Variants in LSP1 observed in about 807,000 individuals in gnomAD.
LSP1 encodes lymphocyte specific protein 1.
In LSP1, 32 loss-of-function variants were observed where a neutral mutation model predicts 49.3. The observed-to-expected ratio is 0.65, with a 90% CI of 0.49 to 0.87. The LOEUF (loss-of-function observed/expected upper bound fraction) is 0.87, where lower values mean the gene tolerates loss of function less well. LSP1 is among the 40% of genes least tolerant of loss of function. The probability of loss-of-function intolerance (pLI) is 0.00; values close to 1 mark genes in which losing one functional copy is unlikely to be tolerated. For missense variants in LSP1, 428 were observed against 442.6 expected, an observed-to-expected ratio of 0.97 and a Z score of 0.30; for synonymous variants, 179 against 178.8, an observed-to-expected ratio of 1.00 and a Z score of -0.01.
chr11:1,876,001 T>C (rs1848294601), intron 1 of LSP1, among the ~76,000 whole-genome samples: 1 of 152,338 alleles, frequency 6.6e-6, no homozygotes, highest in East Asian at 1.9e-4. Context: ...AGGGGCCTGC[T>C]GATGGGGGCT....
intron 1 of LSP1, among the ~76,000 whole-genome samples, chr11:1,862,774 GGGTGATCTCACCTCCCCT>G (rs1847676510): frequency 5.0e-5 from 1 of 20,052 alleles, no homozygotes; most frequent in Non-Finnish European, 1.0e-4. Flanking sequence ...CGCCTCCCCT[GGGTGATCTCACCTCCCCT>G]GGGTGATCTC....
intron 7 of LSP1, among the ~76,000 whole-genome samples, chr11:1,885,394 C>A (rs370185032): frequency 1.3e-5 from 2 of 151,968 alleles, no homozygotes; most frequent in East Asian, 1.9e-4. Context: ...TCAATCCAAC[C>A]AATACACCTT....
intron 4 of LSP1, 93 bp downstream of exon 4, chr11:1,883,653 C>A: frequency 6.8e-7 from 1 of 1,477,962 alleles, no homozygotes; most frequent in South Asian, 1.3e-5. Flanking sequence ...CCCTGTGGGT[C>A]TAGCCCAGAG....
intron 3 of LSP1, among the ~76,000 whole-genome samples, chr11:1,882,229 T>C (rs1848576122): frequency 6.6e-6 from 1 of 152,160 alleles, no homozygotes; most frequent in Admixed American, 6.5e-5. Flanking sequence ...TCTGTGGCCA[T>C]GATGGGGCTG....
chr11:1,864,873 C>T (rs969539754), intron 1 of LSP1, among the ~76,000 whole-genome samples: 11 of 151,914 alleles, frequency 7.2e-5, no homozygotes. Flanking sequence ...CCAAGGGAGC[C>T]GGCCCACAGA....
At chr11:1,861,433 T>C (rs1421932549) in intron 1 of LSP1, among the ~76,000 whole-genome samples, 1 of 152,216 alleles carries the variant, frequency 6.6e-6, no homozygotes, top group African/African-American at 2.4e-5. Flanking sequence ...ATTTATTGAA[T>C]AAATATATGG....
chr11:1,868,167 C>G (rs1170218060), intron 1 of LSP1, among the ~76,000 whole-genome samples: 1 of 152,284 alleles, frequency 6.6e-6, no homozygotes, highest in Non-Finnish European at 1.5e-5. Context: ...GTCACCCGGA[C>G]TCAGCCAGCG....
chr11:1,866,635 C>G lies in LSP1; in HGVS notation c.53+13438C>G, dbSNP rs138303369. On this transcript the variant is annotated intron_variant, in intron 1 of 10. Transcript: ENST00000311604. The stretch of plus-strand genomic sequence containing the variant: ...CCTCCTCCTCCTGGGCTTCCAGGCT[C>G]TGCTGGTCAGACCTCCCTCCCTGCC... 1.8e-4 allele frequency: 278 copies of G among 1,550,470 alleles called. 1 individual carries two copies. In the African/African-American group the frequency reaches 3.5e-3, roughly 19 times the overall value.
intron 1 of LSP1, chr11:1,864,336 C>G: frequency 1.3e-6 from 1 of 795,686 alleles, no homozygotes; most frequent in Non-Finnish European, 1.5e-6. Context: ...GCATGAGGCA[C>G]TCCGAGGTGG....
At chr11:1,887,745 C>T (rs1300450552) in intron 10 of LSP1, among the ~76,000 whole-genome samples, 169 bp downstream of exon 10, 4 of 152,132 alleles carry the variant, frequency 2.6e-5, no homozygotes, top group Non-Finnish European at 5.9e-5. Flanking sequence ...CAGATGCTGC[C>T]TCTCTCACCT....
chr11:1,884,496 C>T lies in LSP1; in HGVS notation c.636-4C>T. The T allele has an allele frequency of 6.2e-7, 1 of 1,613,218 alleles. No homozygotes were observed. The highest frequency in any genetic ancestry group is 8.5e-7 in the Non-Finnish European group (1 of 1,179,332). ...TGGGGCCTGACACATCTTCTACCCT[C>T]CAGTAACAGTGTGAAGAAATCCCAG... is the stretch of plus-strand genomic sequence containing the variant. On this transcript the variant is annotated splice_polypyrimidine_tract_variant and splice_region_variant and intron_variant, in intron 6 of 10. Coordinates refer to ENST00000311604, the MANE Select transcript of LSP1 (RefSeq NM_002339.3). This position sits in a 1 kb window ranked among gnomAD's most constrained non-coding sequence, Gnocchi z 4.1.
At chr11:1,890,182 C>T (rs1020051059) in intron 10 of LSP1, 18 of 716,732 alleles carry the variant, frequency 2.5e-5, no homozygotes, top group African/African-American at 3.5e-5. Context: ...TGGGTGAGGC[C>T]GATGGAGAAC....
At chr11:1,889,257 G>C (rs549880956) in intron 10 of LSP1, 1 of 677,948 alleles carries the variant, frequency 1.5e-6, no homozygotes, top group Admixed American at 2.2e-5. Context: ...CAGCTTCCGG[G>C]CGTTGAAGCG....
At chr11:1,889,262 G>T in intron 10 of LSP1, 1 of 679,082 alleles carries the variant, frequency 1.5e-6, no homozygotes. Context: ...TCCGGGCGTT[G>T]AAGCGAGGCC....
intron 1 of LSP1, chr11:1,869,644 A>C (rs1249453162): frequency 1.5e-5 from 7 of 470,410 alleles, no homozygotes; most frequent in Non-Finnish European, 3.1e-5. Context: ...GCTGTCTCAC[A>C]CAGCTTCTTG....
Position 1,853,217 on chromosome 11 carries a change from C to A in LSP1, c.53+20C>A. 1 of 1,604,744 alleles carries A rather than the reference C, an allele frequency of 6.2e-7. No homozygotes were observed. Among genetic ancestry groups the A allele is most frequent in the Non-Finnish European group, 8.5e-7 (1 of 1,177,876 alleles). On this transcript the variant is annotated intron_variant, in intron 1 of 10. Coordinates refer to ENST00000311604, the MANE Select transcript of LSP1 (RefSeq NM_002339.3). ...GCTGGGGTAAGGGTCTGCGGCGACG[C>A]CCGGCGCCCTGTGCCGTGTCCACGG...
intron 3 of LSP1, among the ~76,000 whole-genome samples, chr11:1,882,563 G>C (rs1158513072): frequency 6.6e-6 from 1 of 152,210 alleles, no homozygotes; most frequent in East Asian, 1.9e-4. Flanking sequence ...TTCTGAGATG[G>C]GGCAGCTCCC....
intron 1 of LSP1, among the ~76,000 whole-genome samples, chr11:1,854,161 G>A (rs1162594758): frequency 6.6e-6 from 1 of 152,146 alleles, no homozygotes; most frequent in Admixed American, 6.5e-5. Context: ...ATGGGGATCC[G>A]GTGCTGGGGA....
intron 10 of LSP1, chr11:1,889,447 TG>T: frequency 1.5e-6 from 1 of 646,046 alleles, no homozygotes. Flanking sequence ...TCCTGCTCTG[TG>T]GGGGCAGGCA....
Sources: allele counts gnomAD v4.1 joint callset (sites outside exome capture counted in the v4.1 genomes callset), GRCh38; gene constraint gnomAD v4.1.1; non-coding constraint Gnocchi (gnomAD v3.1); transcripts MANE v1.5; gene names NCBI Gene and HGNC (gene_info 2026-07-23, HGNC 2026-07-21).